Variants in TMEM184C observed in about 807,000 individuals in gnomAD.
TMEM184C encodes transmembrane protein 184C, also known as transmembrane protein 34.
A neutral mutation model predicts 54.5 loss-of-function variants in TMEM184C; 25 were observed. The observed-to-expected ratio is 0.46, with a 90% CI of 0.33 to 0.64. TMEM184C has a LOEUF of 0.64. Ranked by LOEUF, TMEM184C falls within the 30% of genes least tolerant of loss-of-function variation. The pLI is 0.02. For missense variants in TMEM184C, 335 were observed against 520.3 expected (o/e 0.64, Z 3.46); for synonymous variants, 148 against 181.5 (o/e 0.82, Z 1.49).
intron 1 of TMEM184C, among the ~76,000 whole-genome samples, chr4:147,622,735 C>T (rs192291374): frequency 6.6e-6 from 1 of 152,146 alleles, no homozygotes; most frequent in African/African-American, 2.4e-5. Context: ...AACGCCCCCA[C>T]AATCAGTAAG....
At chr4:147,619,788 A>T (rs190691868) in intron 1 of TMEM184C, among the ~76,000 whole-genome samples, 1 of 152,300 alleles carries the variant, frequency 6.6e-6, no homozygotes, top group Non-Finnish European at 1.5e-5. Flanking sequence ...TGTAGTCTGT[A>T]CTTGTCCTAG....
chr4:147,629,282 TG>T (rs1449246026), intron 5 of TMEM184C, among the ~76,000 whole-genome samples: 2 of 152,064 alleles, frequency 1.3e-5, no homozygotes, highest in Non-Finnish European at 2.9e-5. Context: ...ACAGCATAGT[TG>T]TTTTTTTTTA....
At chr4:147,620,250 G>A (rs1029783321) in intron 1 of TMEM184C, among the ~76,000 whole-genome samples, 2 of 151,858 alleles carry the variant, frequency 1.3e-5, no homozygotes, top group African/African-American at 4.8e-5. Flanking sequence ...CATCTACCAC[G>A]ATACATATTT....
intron 1 of TMEM184C, among the ~76,000 whole-genome samples, chr4:147,622,440 A>G (rs1012104983): frequency 5.9e-5 from 9 of 152,094 alleles, no homozygotes; most frequent in African/African-American, 1.4e-4. Context: ...TAATTGTTCT[A>G]TTTTCTTGTT....
intron 1 of TMEM184C, among the ~76,000 whole-genome samples, chr4:147,621,468 C>T (rs80172642): frequency 0.035 from 5,313 of 152,154 alleles, 227 homozygotes; most frequent in East Asian, 0.22. Flanking sequence ...TTACTGGTAT[C>T]TACATCAATG....
intron 4 of TMEM184C, among the ~76,000 whole-genome samples, chr4:147,626,936 G>C (rs1399721913): frequency 6.6e-6 from 1 of 152,212 alleles, no homozygotes; most frequent in Non-Finnish European, 1.5e-5. Context: ...AGCATGTTGA[G>C]GGGGTCAGCG....
rs1732848937 is a variant in TMEM184C, at chr4:147,628,213, TG to T, written c.498-147del. 5 of 635,296 alleles carry T rather than the reference TG, an allele frequency of 7.9e-6. No individual in the cohort carries two copies. In the East Asian group the frequency reaches 1.4e-4, roughly 17 times the overall value. The allele number at this position is 635,296 out of a possible 1,614,324, so 39.4% of individuals were successfully genotyped here. On this transcript the variant is annotated intron_variant, in intron 4 of 9. Transcript: ENST00000296582. Reference sequence around the variant, plus strand: ...TTGTTTCCTGCCATCCACATTCTTCTGCCACTGCTATTAAGGATGACTACAT... The same window carrying T: ...TTGTTTCCTGCCATCCACATTCTTCTCCACTGCTATTAAGGATGACTACAT...
chr4:147,634,424 T>C lies in TMEM184C; in HGVS notation c.1307T>C (p.Val436Ala), dbSNP rs1732975550. The change falls in exon 10 of 10, where the codon GTG (valine) becomes GCG (alanine). Residue 436 changes from valine (V) to alanine (A), a missense_variant. Physicochemically the swap from Val to Ala is moderately conservative, Grantham distance 64. Coordinates refer to ENST00000296582, the MANE Select transcript of TMEM184C (RefSeq NM_018241.3). ...AAAAAAGAACCTTCAGATAAATCCG[T>C]GGATTCCTGAACAGTATGGAAAAGC... ...GEKKEPSDKS[V>A]DS 6.2e-7 allele frequency: 1 copy of C among 1,613,814 alleles called. No homozygotes were observed. The highest frequency in any genetic ancestry group is 1.3e-5 in the African/African-American group (1 of 74,900).
In TMEM184C at chr4:147,617,896, C is replaced by A; in HGVS notation, c.-61C>A. The A allele has an allele frequency of 6.2e-7, 1 of 1,607,980 alleles. No individual in the cohort carries two copies. Among genetic ancestry groups the A allele is most frequent in the East Asian group, 2.2e-5 (1 of 44,714 alleles). On this transcript the variant is annotated 5_prime_UTR_variant, in exon 1 of 10. Coordinates refer to ENST00000296582, the MANE Select transcript of TMEM184C (RefSeq NM_018241.3). ...GACAAAACAGCCAGAGAACAGGGCT[C>A]CCCATTACAATCTTTTCGAGATCTT... is the stretch of plus-strand genomic sequence containing the variant.
At chr4:147,619,692 A>G (rs1047014327) in intron 1 of TMEM184C, among the ~76,000 whole-genome samples, 3 of 152,182 alleles carry the variant, frequency 2.0e-5, no homozygotes, top group Non-Finnish European at 2.9e-5. Context: ...AATATGCATA[A>G]TATCAGTCCA....
intron 4 of TMEM184C, among the ~76,000 whole-genome samples, chr4:147,625,572 A>G (rs969815755): frequency 2.6e-5 from 4 of 152,258 alleles, no homozygotes; most frequent in Non-Finnish European, 1.5e-5. Context: ...AGTGTTTTAG[A>G]AAGATTAATT....
chr4:147,633,129 G>C, intron 8 of TMEM184C, 127 bp downstream of exon 8: 1 of 697,602 alleles, frequency 1.4e-6, no homozygotes, highest in Non-Finnish European at 2.3e-6. Flanking sequence ...TGAGAAAACA[G>C]GGGAACCCTA....
intron 5 of TMEM184C, among the ~76,000 whole-genome samples, chr4:147,629,310 T>C (rs1227325270): frequency 6.6e-6 from 1 of 152,070 alleles, no homozygotes; most frequent in African/African-American, 2.4e-5. Context: ...GTACTCTTTC[T>C]AGTTAAGTGT....
intron 3 of TMEM184C, 146 bp from the exon 4 acceptor site, chr4:147,624,658 A>C (rs1176600860): frequency 7.4e-6 from 5 of 679,680 alleles, no homozygotes; most frequent in Non-Finnish European, 1.2e-5. Context: ...GATAGCCCTC[A>C]TAATGATAAA....
At chr4:147,620,953 C>T (rs1010069639) in intron 1 of TMEM184C, among the ~76,000 whole-genome samples, 8 of 152,188 alleles carry the variant, frequency 5.3e-5, no homozygotes, top group Admixed American at 3.3e-4. Flanking sequence ...CCCAGGCTGC[C>T]GTGAGAAAAT....
chr4:147,629,737 C>T (rs1023468113), intron 6 of TMEM184C, 45 bp downstream of exon 6: 9 of 1,357,970 alleles, frequency 6.6e-6, no homozygotes, highest in Non-Finnish European at 9.0e-6. Context: ...AAATTCGTAT[C>T]TATAACTAAA....
intron 1 of TMEM184C, among the ~76,000 whole-genome samples, chr4:147,621,851 CACACTGAGG>C (rs1357158699): frequency 1.3e-5 from 2 of 152,146 alleles, no homozygotes; most frequent in Admixed American, 1.3e-4. Flanking sequence ...TTCTTTATAG[CACACTGAGG>C]ACACTTGACC....
chr4:147,634,100 T>G, intron 9 of TMEM184C, 69 bp from the exon 10 acceptor site: 4 of 1,549,568 alleles, frequency 2.6e-6, no homozygotes, highest in Non-Finnish European at 3.5e-6. Flanking sequence ...AGTGGGGAGC[T>G]TATTTTTAGA....
chr4:147,634,012 T>C, intron 9 of TMEM184C, 76 bp downstream of exon 9: 1 of 1,542,614 alleles, frequency 6.5e-7, no homozygotes, highest in Non-Finnish European at 8.7e-7. Context: ...CAATTTATTA[T>C]CTATTTAGAG....
Sources: allele counts gnomAD v4.1 joint callset (sites outside exome capture counted in the v4.1 genomes callset), GRCh38; gene constraint gnomAD v4.1.1; transcripts MANE v1.5; gene names NCBI Gene and HGNC (gene_info 2026-07-23, HGNC 2026-07-21).